The following SCRT2 variants were observed in gnomAD, a reference collection of about 807,000 sequenced individuals.
SCRT2 encodes the protein scratch family transcriptional repressor 2.
In SCRT2, 2 loss-of-function variants were observed where a neutral mutation model predicts 3.7. The ratio of observed to expected loss-of-function variants is 0.54; its 90% CI spans 0.22 to 1.70. The LOEUF is 1.70. Among genes scored for constraint, SCRT2 ranks in the 40% most tolerant of loss-of-function variants. SCRT2 has a pLI of 0.19. For missense variants in SCRT2, 456 were observed against 468.5 expected, an observed-to-expected ratio of 0.97 and a Z score of 0.25; for synonymous variants, 256 against 220.6, an observed-to-expected ratio of 1.16 and a Z score of -1.42.
chr20:663,384 G>C lies in SCRT2; in HGVS notation c.*287C>G. On this transcript the variant is annotated 3_prime_UTR_variant, in exon 2 of 2. Transcript: ENST00000246104. The surrounding 1 kb of genome is among the most constrained non-coding windows in gnomAD (Gnocchi z 6.9). The stretch of plus-strand genomic sequence containing the variant: ...GGCTCTGGGGCGCGGGAGAGGTGCG[G>C]ACCTGGTGCCTGAGTTGGGAGCCTT... The C allele has an allele frequency of 5.7e-6, 2 of 353,492 alleles. No individual in the cohort carries two copies. The highest frequency in any genetic ancestry group is 1.0e-5 in the Non-Finnish European group (2 of 198,546). The allele number at this position is 353,492 out of a possible 1,614,324, so 21.9% of individuals were successfully genotyped here.
intron 1 of SCRT2, among the ~76,000 whole-genome samples, chr20:674,399 TCACACA>T (rs57092015): frequency 0.13 from 13,904 of 106,434 alleles, 1,021 homozygotes; most frequent in Admixed American, 0.15. Context: ...TCTCTCTCTC[TCACACA>T]CACACACACA....
In SCRT2 at chr20:667,507, A is replaced by G. The variant is rs1212828022; in HGVS notation, c.134-3046T>C. On this transcript the variant is annotated intron_variant, in intron 1 of 1. Transcript: ENST00000246104. The surrounding 1 kb of genome is among the most constrained non-coding windows in gnomAD (Gnocchi z 4.4). ...TCCTCACCCGGGATGTGTAATTTCT[A>G]TTTCACGTTCTGATGGGAAAATATC... is the stretch of plus-strand genomic sequence containing the variant. Among the ~76,000 whole-genome samples, 3 of 152,036 alleles carry G rather than the reference A, an allele frequency of 2.0e-5. No homozygotes were observed. Among genetic ancestry groups the G allele is most frequent in the Non-Finnish European group, 4.4e-5 (3 of 68,010 alleles).
At chr20:673,664 G>A (rs1338159417) in intron 1 of SCRT2, among the ~76,000 whole-genome samples, 2 of 152,192 alleles carry the variant, frequency 1.3e-5, no homozygotes, top group Non-Finnish European at 2.9e-5. Flanking sequence ...TATTCACTCA[G>A]GGGCTCCTTT....
chr20:666,902 G>T lies in SCRT2; in HGVS notation c.134-2441C>A, dbSNP rs1477045910. ...CCAGCTGAGTGCCTTTGGGTGGGTT[G>T]TGCTTCAGGTCCTTTTTTTTTAAAA... On this transcript the variant is annotated intron_variant, in intron 1 of 1. Coordinates refer to ENST00000246104, the MANE Select transcript of SCRT2 (RefSeq NM_033129.4). The surrounding 1 kb of genome is among the most constrained non-coding windows in gnomAD (Gnocchi z 4.4). 5.3e-5 allele frequency among the ~76,000 whole-genome samples: 8 copies of T among 152,216 alleles called. No homozygotes were observed. The highest frequency in any genetic ancestry group is 3.9e-4 in the Admixed American group (6 of 15,286).
At chr20:669,215 T>C (rs1173742288) in intron 1 of SCRT2, among the ~76,000 whole-genome samples, 1 of 152,220 alleles carries the variant, frequency 6.6e-6, no homozygotes, top group African/African-American at 2.4e-5. Context: ...TTGTAAATCA[T>C]ACTTAATAAC....
In SCRT2 at chr20:667,596, C is replaced by T. The variant is rs771553270; in HGVS notation, c.134-3135G>A. On this transcript the variant is annotated intron_variant, in intron 1 of 1. Transcript: ENST00000246104. The surrounding 1 kb of genome is among the most constrained non-coding windows in gnomAD (Gnocchi z 4.4). ...TCTCCATGAGGTGCTCTGCCCATGG[C>T]GCCCTCTGCTGGTGGCCCTCAGCGC... Among the ~76,000 whole-genome samples the T allele has an allele frequency of 1.3e-5, 2 of 152,184 alleles. No individual in the cohort carries two copies. The highest frequency in any genetic ancestry group is 2.4e-5 in the African/African-American group (1 of 41,436).
chr20:672,579 C>T (rs557002698), intron 1 of SCRT2, among the ~76,000 whole-genome samples: 55 of 152,160 alleles, frequency 3.6e-4, no homozygotes, highest in Non-Finnish European at 5.6e-4. Flanking sequence ...TCCACATTCA[C>T]AGGCTCCCCC....
At position 675,763 on chromosome 20, in the gene SCRT2, TGGC is replaced by T; in HGVS notation, c.-165_-163del. Reference sequence around the variant, plus strand: ...GGCGGCCCCGGCTCGGGCTCGGGCTTGGCGGCGGCGGCGCGCAGACAGGGGATC... The same window carrying T: ...GGCGGCCCCGGCTCGGGCTCGGGCTTGGCGGCGGCGCGCAGACAGGGGATC... On this transcript the variant is annotated 5_prime_UTR_variant, in exon 1 of 2. Coordinates refer to ENST00000246104, the MANE Select transcript of SCRT2 (RefSeq NM_033129.4). This position sits in a 1 kb window ranked among gnomAD's most constrained non-coding sequence, Gnocchi z 6.9. 1 of 263,172 alleles carries T rather than the reference TGGC, an allele frequency of 3.8e-6. No individual in the cohort carries two copies. 16.3% of individuals were successfully genotyped at this position (263,172 alleles called of 1,614,324 possible). A position where few individuals can be genotyped will look rare whatever the true frequency, so the allele number is the denominator to read the frequency against.
intron 1 of SCRT2, among the ~76,000 whole-genome samples, chr20:672,259 C>T (rs1006531367): frequency 3.3e-5 from 5 of 152,128 alleles, no homozygotes; most frequent in Non-Finnish European, 7.4e-5. Flanking sequence ...ATTTGAGGGG[C>T]TCCCCTTCCC....
rs1223736380 is a variant in SCRT2 at position 674,352 on chromosome 20, T to TTC, written c.133+1115_133+1116dup. 4.6e-5 allele frequency among the ~76,000 whole-genome samples: 5 copies of TTC among 109,308 alleles called. No homozygotes were observed. The East Asian group carries it at 1.2e-3, about 26-fold the overall frequency. The allele number at this position is 109,308 out of a possible 152,430, so 71.7% of individuals were successfully genotyped here. A position where few individuals can be genotyped will look rare whatever the true frequency, so the allele number is the denominator to read the frequency against. On this transcript the variant is annotated intron_variant, in intron 1 of 1. Coordinates refer to ENST00000246104, the MANE Select transcript of SCRT2 (RefSeq NM_033129.4). ...TTTTCTCCTCTCTCAATCTCCCTCT[T>TTC]TCTCTCTCTCTCTTTCCCCACCCCC...
rs989340768 is a variant in SCRT2 at position 664,503 on chromosome 20, C to T, written c.134-42G>A. ...GTGGAGGGGCGGTGAGAGGAGGCGC[C>T]GAAGAGGGTTTCCCGCTTTGAGCGC... On this transcript the variant is annotated intron_variant, in intron 1 of 1. Transcript: ENST00000246104. This position sits in a 1 kb window ranked among gnomAD's most constrained non-coding sequence, Gnocchi z 7.9. The T allele has an allele frequency of 2.5e-6, 3 of 1,200,036 alleles. No homozygotes were observed. The highest frequency in any genetic ancestry group is 3.1e-6 in the Non-Finnish European group (3 of 955,500). The allele number at this position is 1,200,036 out of a possible 1,614,324, so 74.3% of individuals were successfully genotyped here. A position where few individuals can be genotyped will look rare whatever the true frequency, so the allele number is the denominator to read the frequency against.
chr20:670,382 T>C (rs1053544593), intron 1 of SCRT2, among the ~76,000 whole-genome samples: 1 of 151,882 alleles, frequency 6.6e-6, no homozygotes, highest in African/African-American at 2.4e-5. Flanking sequence ...TCCAAACCCC[T>C]CCCTATCCAA....
chr20:672,026 G>A (rs1369382614), intron 1 of SCRT2, among the ~76,000 whole-genome samples: 1 of 152,112 alleles, frequency 6.6e-6, no homozygotes, highest in Non-Finnish European at 1.5e-5. Flanking sequence ...CCGGTCTGTG[G>A]GGAGGGCCTG....
rs899045724 is a variant in SCRT2, at chr20:666,264, G to A, written c.134-1803C>T. Among the ~76,000 whole-genome samples the A allele has an allele frequency of 8.5e-5, 13 of 152,084 alleles. No individual in the cohort carries two copies. Among genetic ancestry groups the A allele is most frequent in the African/African-American group, 3.1e-4 (13 of 41,408 alleles). ...GCACCCTATGTCTCCCGTCCCATCT[G>A]CCTGTGGTCTGGAGGTCCCCCTGCT... On this transcript the variant is annotated intron_variant, in intron 1 of 1. Coordinates refer to ENST00000246104, the MANE Select transcript of SCRT2 (RefSeq NM_033129.4). This position sits in a 1 kb window ranked among gnomAD's most constrained non-coding sequence, Gnocchi z 4.4.
rs1002189961 is a variant in SCRT2 at position 666,792 on chromosome 20, G to A, written c.134-2331C>T. ...AGCAGGACCTGGTATAGACAGTCCT[G>A]TTCACCTGGTCTCAGGGCAGGTCTG... On this transcript the variant is annotated intron_variant, in intron 1 of 1. Coordinates refer to ENST00000246104, the MANE Select transcript of SCRT2 (RefSeq NM_033129.4). The surrounding 1 kb of genome is among the most constrained non-coding windows in gnomAD (Gnocchi z 4.4). Among the ~76,000 whole-genome samples, 4 of 152,242 alleles carry A rather than the reference G, an allele frequency of 2.6e-5. No individual in the cohort carries two copies. The highest frequency in any genetic ancestry group is 2.0e-4 in the Admixed American group (3 of 15,290).
At position 663,583 on chromosome 20, in the gene SCRT2, CG is replaced by C. The variant is rs1249832598; in HGVS notation, c.*87del. On this transcript the variant is annotated 3_prime_UTR_variant, in exon 2 of 2. Transcript: ENST00000246104. The surrounding 1 kb of genome is among the most constrained non-coding windows in gnomAD (Gnocchi z 6.9). ...AGGGTCATGGGCAGGGAAACGCAGC[CG>C]GGGCTGGGCGAGGGCGCTGCGGGCG... 1.5e-5 allele frequency: 18 copies of C among 1,218,302 alleles called. No homozygotes were observed. Among genetic ancestry groups the C allele is most frequent in the Non-Finnish European group, 1.9e-5 (18 of 961,242 alleles). 75.5% of individuals were successfully genotyped at this position (1,218,302 alleles called of 1,614,324 possible).
In SCRT2 at chr20:667,707, C is replaced by T. The variant is rs946731801; in HGVS notation, c.134-3246G>A. ...AGGCTGCTCATTTGCCTAGGGAGGG[C>T]TGCAGAAGTGTCTTCAGGATAGGAA... On this transcript the variant is annotated intron_variant, in intron 1 of 1. Transcript: ENST00000246104. This position sits in a 1 kb window ranked among gnomAD's most constrained non-coding sequence, Gnocchi z 4.4. Among the ~76,000 whole-genome samples, 3 of 152,150 alleles carry T rather than the reference C, an allele frequency of 2.0e-5. No homozygotes were observed. Among genetic ancestry groups the T allele is most frequent in the African/African-American group, 4.8e-5 (2 of 41,422 alleles).
rs1485205439 is a variant in SCRT2, at chr20:664,725, A to G, written c.134-264T>C. ...TGTACAGAGCGTACCTTCACTATCC[A>G]GTGCTCACAACCGCGGAGTGATGGT... On this transcript the variant is annotated intron_variant, in intron 1 of 1. Transcript: ENST00000246104. The surrounding 1 kb of genome is among the most constrained non-coding windows in gnomAD (Gnocchi z 7.9). 6.6e-6 allele frequency among the ~76,000 whole-genome samples: 1 copy of G among 152,210 alleles called. No individual in the cohort carries two copies. Among genetic ancestry groups the G allele is most frequent in the African/African-American group, 2.4e-5 (1 of 41,458 alleles).
chr20:672,531 G>A (rs1318612358), intron 1 of SCRT2, among the ~76,000 whole-genome samples: 1 of 151,920 alleles, frequency 6.6e-6, no homozygotes, highest in African/African-American at 2.4e-5. Flanking sequence ...TTGGGGTTCT[G>A]CATCTTTATC....
Sources: gnomAD v4.1 joint callset for allele counts (sites outside exome capture counted in the v4.1 genomes callset) on GRCh38, gnomAD v4.1.1 for gene constraint, Gnocchi (gnomAD v3.1) non-coding constraint, MANE v1.5 for transcripts, NCBI Gene and HGNC (gene_info 2026-07-23, HGNC 2026-07-21) for gene names.